The following PLA2R1 variants were observed in gnomAD, a reference collection of about 807,000 sequenced individuals.
PLA2R1 encodes secretory phospholipase A2 receptor.
Under a neutral mutation model 195.9 loss-of-function variants are expected in PLA2R1, and 158 were observed. That is an observed-to-expected ratio of 0.81 (90% CI 0.71 to 0.92). The LOEUF (loss-of-function observed/expected upper bound fraction) is 0.92, where lower values mean the gene tolerates loss of function less well. Ranked by LOEUF, PLA2R1 falls within the 40% of genes least tolerant of loss-of-function variation. PLA2R1 has a pLI of 0.00. For synonymous variants in PLA2R1, 586 were observed against 598.2 expected (o/e 0.98, Z 0.30); for missense variants, 1,626 against 1,764.6 (o/e 0.92, Z 1.41).
At chr2:159,987,134 G>C in intron 12 of PLA2R1, 22 bp downstream of exon 12, 1 of 1,547,072 alleles carries the variant, frequency 6.5e-7, no homozygotes, top group Non-Finnish European at 8.9e-7. Flanking sequence ...TGTTAAGAAT[G>C]TCCATGTAAC....
intron 3 of PLA2R1, among the ~76,000 whole-genome samples, chr2:160,034,368 A>G (rs1399531255): frequency 6.6e-6 from 1 of 152,206 alleles, no homozygotes; most frequent in African/African-American, 2.4e-5. Context: ...GGCAGAAGAC[A>G]AGGCTATCAC....
chr2:160,054,801 A>G (rs1695433129), intron 1 of PLA2R1, among the ~76,000 whole-genome samples: 1 of 152,210 alleles, frequency 6.6e-6, no homozygotes, highest in Admixed American at 6.5e-5. Flanking sequence ...AATTCAAAAT[A>G]TAATTTATGC....
chr2:160,025,604 A>C (rs1051750601), intron 6 of PLA2R1, among the ~76,000 whole-genome samples: 7 of 150,194 alleles, frequency 4.7e-5, no homozygotes, highest in African/African-American at 1.7e-4. Context: ...AAAAAAAAAA[A>C]AAAAAACTAT....
intron 3 of PLA2R1, among the ~76,000 whole-genome samples, chr2:160,039,201 C>T (rs1694369691): frequency 6.6e-6 from 1 of 152,054 alleles, no homozygotes; most frequent in Admixed American, 6.5e-5. Context: ...AGCAACTGAT[C>T]AGAATTATAT....
intron 14 of PLA2R1, among the ~76,000 whole-genome samples, chr2:159,979,471 T>C (rs1356206202): frequency 6.6e-6 from 1 of 152,154 alleles, no homozygotes; most frequent in Non-Finnish European, 1.5e-5. Context: ...AAGGTTCCCA[T>C]ACTCAGATAA....
At chr2:159,945,425 A>G (rs1021492655) in intron 27 of PLA2R1, among the ~76,000 whole-genome samples, 3 of 142,210 alleles carry the variant, frequency 2.1e-5, no homozygotes, top group Non-Finnish European at 3.0e-5. Context: ...TTCAATTCCC[A>G]CCTATGAGTG....
chr2:159,928,370 C>T (rs977871114), downstream of PLA2R1, among the ~76,000 whole-genome samples: 53 of 152,152 alleles, frequency 3.5e-4, no homozygotes, highest in South Asian at 8.3e-4. Flanking sequence ...CAAAATCATA[C>T]ATGAGACTGA....
At chr2:160,053,059 T>C (rs182293812) in intron 1 of PLA2R1, among the ~76,000 whole-genome samples, 17 of 152,290 alleles carry the variant, frequency 1.1e-4, no homozygotes, top group Admixed American at 6.5e-4. Flanking sequence ...TCTTTTCTCA[T>C]AATTCTGGAG....
chr2:160,062,040 C>G (rs979942654), intron 1 of PLA2R1, among the ~76,000 whole-genome samples: 2 of 152,060 alleles, frequency 1.3e-5, no homozygotes, highest in Non-Finnish European at 2.9e-5. Flanking sequence ...CAAGCCCCCC[C>G]GCCCCCGCCG....
intron 28 of PLA2R1, among the ~76,000 whole-genome samples, chr2:159,943,118 T>C (rs1392894860): frequency 2.6e-5 from 4 of 151,824 alleles, no homozygotes; most frequent in Non-Finnish European, 4.4e-5. Flanking sequence ...TACGGGTGTG[T>C]GCCATCACAC....
At chr2:160,034,427 A>T (rs2105536045) in intron 3 of PLA2R1, among the ~76,000 whole-genome samples, 1 of 152,332 alleles carries the variant, frequency 6.6e-6, no homozygotes. Context: ...AAGAGAAGGG[A>T]AATTTTCAGT....
chr2:159,948,803 C>A (rs539522282), intron 25 of PLA2R1, among the ~76,000 whole-genome samples: 34 of 152,018 alleles, frequency 2.2e-4, no homozygotes, highest in Non-Finnish European at 4.6e-4. Context: ...GATACAGTAC[C>A]CAGAATGTAA....
intron 17 of PLA2R1, among the ~76,000 whole-genome samples, chr2:159,972,271 T>G (rs1689239608): frequency 6.6e-6 from 1 of 152,090 alleles, no homozygotes; most frequent in Admixed American, 6.6e-5. Flanking sequence ...GAATGGAACA[T>G]CCAATGTGAA....
At chr2:160,055,185 T>C (rs933554062) in intron 1 of PLA2R1, among the ~76,000 whole-genome samples, 6 of 152,118 alleles carry the variant, frequency 3.9e-5, no homozygotes, top group African/African-American at 1.4e-4. Context: ...ACTGGACATC[T>C]ATGCTGACTC....
At chr2:159,924,729 T>TGGG in the PLA2R1 span, among the ~76,000 whole-genome samples, 91 of 117,438 alleles carry the variant, frequency 7.7e-4, no homozygotes, top group Non-Finnish European at 6.2e-4. Flanking sequence ...CTCTGGGGGC[T>TGGG]GGGGGGGGGG....
At chr2:159,945,288 G>A (rs979394815) in intron 27 of PLA2R1, among the ~76,000 whole-genome samples, 29 of 151,898 alleles carry the variant, frequency 1.9e-4, no homozygotes, top group Non-Finnish European at 3.4e-4. Flanking sequence ...ATGCTGGTGC[G>A]CTGCACCCAC....
At chr2:160,020,737 C>T (rs1693054259) in intron 7 of PLA2R1, among the ~76,000 whole-genome samples, 1 of 152,078 alleles carries the variant, frequency 6.6e-6, no homozygotes, top group South Asian at 2.1e-4. Flanking sequence ...CAGATGTGGT[C>T]CTTTGACCTT....
chr2:160,037,846 C>T (rs1409477535), intron 3 of PLA2R1, among the ~76,000 whole-genome samples: 3 of 152,188 alleles, frequency 2.0e-5, no homozygotes, highest in Non-Finnish European at 1.5e-5. Flanking sequence ...ACTTGTAATA[C>T]TGTATTTTCT....
At chr2:160,025,879 G>A (rs1214928345) in intron 6 of PLA2R1, among the ~76,000 whole-genome samples, 1 of 152,162 alleles carries the variant, frequency 6.6e-6, no homozygotes, top group Non-Finnish European at 1.5e-5. Flanking sequence ...GAGAGAAAAT[G>A]AGCAGAGGTA....
Sources: gnomAD v4.1 joint callset for allele counts (sites outside exome capture counted in the v4.1 genomes callset) on GRCh38, gnomAD v4.1.1 for gene constraint, MANE v1.5 for transcripts, NCBI Gene and HGNC (gene_info 2026-07-23, HGNC 2026-07-21) for gene names.